Variants in LIN37 observed in about 807,000 individuals in gnomAD.
LIN37 encodes the protein lin-37 DREAM MuvB core complex component.
A neutral mutation model predicts 38.0 loss-of-function variants in LIN37; 21 were observed. The ratio of observed to expected loss-of-function variants is 0.55; its 90% CI spans 0.39 to 0.80. LIN37 has a LOEUF of 0.80. LIN37 is among the 30% of genes least tolerant of loss of function. LIN37 has a pLI of 0.00. For missense variants in LIN37, 273 were observed against 338.5 expected (o/e 0.81, Z 1.52); for synonymous variants, 126 against 122.9 (o/e 1.03, Z -0.17).
intron 3 of LIN37, 58 bp downstream of exon 3, chr19:35,752,542 T>C (rs1007847069): frequency 1.3e-6 from 2 of 1,575,638 alleles, no homozygotes; most frequent in African/African-American, 2.7e-5. Context: ...CTTCTTTCCT[T>C]ATCCAAGCCC....
Position 35,752,204 on chromosome 19 carries a change from A to C in LIN37, c.63A>C (p.Gln21His). 1 of 1,606,708 alleles carries C rather than the reference A, an allele frequency of 6.2e-7. No homozygotes were observed. Among genetic ancestry groups the C allele is most frequent in the Non-Finnish European group, 8.5e-7 (1 of 1,176,716 alleles). Residue 21 changes from glutamine to histidine, a missense_variant, in exon 2 of 9, where the codon CAA becomes CAC. By Grantham distance (24) the Gln-to-His change is conservative. Transcript: ENST00000301159. ...SELEMAKARN[Q>H]LDAVLQCLLE... ...TGGAGATGGCCAAAGCCCGGAACCA[A>C]CTGGATGCTGTCTTGCAGTGTCTGC...
chr19:35,752,341 T>C lies in LIN37; in HGVS notation c.110+90T>C, dbSNP rs1036881736. 201 of 1,578,824 alleles carry C rather than the reference T, an allele frequency of 1.3e-4. No homozygotes were observed. In the East Asian group the frequency reaches 4.5e-3, roughly 35 times the overall value. On this transcript the variant is annotated intron_variant, in intron 2 of 8. Coordinates refer to ENST00000301159, the MANE Select transcript of LIN37 (RefSeq NM_019104.3). ...ATTGGGTGGGACCCCACAGGCTGACTTGGGGAGGAAGGTGCTTAATGGGGA... is the reference window on the plus strand; with the variant it reads ...ATTGGGTGGGACCCCACAGGCTGACCTGGGGAGGAAGGTGCTTAATGGGGA...
At chr19:35,750,450 AG>A (rs1341752940) in intron 1 of LIN37, among the ~76,000 whole-genome samples, 1 of 152,172 alleles carries the variant, frequency 6.6e-6, no homozygotes, top group Non-Finnish European at 1.5e-5. Flanking sequence ...GCAAGTTCCC[AG>A]GTGTCCCCTC....
chr19:35,749,103 G>A, intron 1 of LIN37: 1 of 644,526 alleles, frequency 1.6e-6, no homozygotes, highest in Non-Finnish European at 2.0e-6. Flanking sequence ...ATATTGCCCA[G>A]GCTGGTCTCG....
In LIN37 at chr19:35,752,465, C is replaced by T. The variant is rs1599736781; in HGVS notation, c.142C>T (p.Pro48Ser). 5 of 1,613,950 alleles carry T rather than the reference C, an allele frequency of 3.1e-6. No homozygotes were observed. The highest frequency in any genetic ancestry group is 4.2e-6 in the Non-Finnish European group (5 of 1,179,858). ...ERLDEEAGKT[P>S]SDTHNKDCSI... Reference sequence around the variant, plus strand: ...TCTGGATGAGGAAGCTGGGAAAACACCCTCAGACACCCACAATAAGTGAGT... The same window carrying T: ...TCTGGATGAGGAAGCTGGGAAAACATCCTCAGACACCCACAATAAGTGAGT... Residue 48 changes from proline to serine, a missense_variant, in exon 3 of 9, where the codon CCC (proline) becomes TCC (serine). Coordinates refer to ENST00000301159, the MANE Select transcript of LIN37 (RefSeq NM_019104.3).
chr19:35,753,242 G>A lies in LIN37; in HGVS notation c.433G>A (p.Glu145Lys). The change falls in exon 6 of 9, where the codon GAG becomes AAG. Residue 145 changes from glutamate to lysine, a missense_variant. Physicochemically the swap from Glu to Lys is moderately conservative, Grantham distance 56. Coordinates refer to ENST00000301159, the MANE Select transcript of LIN37 (RefSeq NM_019104.3). ...CAGCTCACCCCTGCCCCCGCTGCCT[G>A]AGGATGAGGAGGTGGGATGGGTAGT... Reference protein sequence around the residue: ...SPSSPLPPLPEDEEGSEVTNS... With the variant: ...SPSSPLPPLPKDEEGSEVTNS... 6.5e-7 allele frequency: 1 copy of A among 1,549,296 alleles called. No individual in the cohort carries two copies. The highest frequency in any genetic ancestry group is 8.7e-7 in the Non-Finnish European group (1 of 1,147,954).
At chr19:35,753,765 C>T (rs557811270) in intron 6 of LIN37, 125 of 574,748 alleles carry the variant, frequency 2.2e-4, no homozygotes, top group Non-Finnish European at 3.6e-4. Context: ...GGCAGGCAGA[C>T]GCGACTCCCT....
chr19:35,754,251 T>G lies in LIN37; in HGVS notation c.591T>G (p.Ser197=). 1 of 1,614,028 alleles carries G rather than the reference T, an allele frequency of 6.2e-7. No individual in the cohort carries two copies. Among genetic ancestry groups the G allele is most frequent in the Non-Finnish European group, 8.5e-7 (1 of 1,179,882 alleles). ...TGGCCTGTCTGTCCATGCAGCCCTCTGAGCCCGAGCCCTCACCCTCCACAC... is the reference window on the plus strand; with the variant it reads ...TGGCCTGTCTGTCCATGCAGCCCTCGGAGCCCGAGCCCTCACCCTCCACAC... ...EMQGTPDDEP[S]EPEPSPSTLI... is the part of the protein sequence containing the mutation. Residue 197 remains serine, a synonymous_variant, in exon 8 of 9, where the codon TCT becomes TCG. Transcript: ENST00000301159.
intron 1 of LIN37, among the ~76,000 whole-genome samples, chr19:35,750,966 A>G (rs574918267): frequency 1.8e-4 from 28 of 151,628 alleles, no homozygotes; most frequent in African/African-American, 6.3e-4. Flanking sequence ...GTCTCAAAAA[A>G]AAGAAAAGAA....
intron 1 of LIN37, among the ~76,000 whole-genome samples, chr19:35,751,254 G>A (rs546923397): frequency 6.6e-6 from 1 of 152,024 alleles, no homozygotes; most frequent in African/African-American, 2.4e-5. Flanking sequence ...CTGGGAGGTG[G>A]AGGTTGCAGT....
chr19:35,752,098 G>A (rs895866599), intron 1 of LIN37, 78 bp from the exon 2 acceptor site: 27 of 1,114,000 alleles, frequency 2.4e-5, no homozygotes, highest in East Asian at 2.3e-4. Flanking sequence ...GGACACGCAC[G>A]CCCTTCCCTG....
rs1292175813 is a variant in LIN37, at chr19:35,753,158, C to G, written c.349C>G (p.Pro117Ala). Reference sequence around the variant, plus strand: ...GTTCAGCGAGAACACGCCACTGTACCCAATCTGCCGCGCCTGGATGCGCAA... The same window carrying G: ...GTTCAGCGAGAACACGCCACTGTACGCAATCTGCCGCGCCTGGATGCGCAA... ...AQFSENTPLY[P>A]ICRAWMRNSP... The change falls in exon 6 of 9, where the codon CCA becomes GCA. Residue 117 changes from proline (P) to alanine (A), a missense_variant. Physicochemically the swap from Pro to Ala is conservative, Grantham distance 27 (BLOSUM62 -1). Coordinates refer to ENST00000301159, the MANE Select transcript of LIN37 (RefSeq NM_019104.3). The G allele has an allele frequency of 1.3e-6, 2 of 1,595,820 alleles. No individual in the cohort carries two copies. The highest frequency in any genetic ancestry group is 8.5e-7 in the Non-Finnish European group (1 of 1,171,668).
chr19:35,752,749 C>T, intron 3 of LIN37, 55 bp from the exon 4 acceptor site: 18 of 1,592,890 alleles, frequency 1.1e-5, no homozygotes, highest in Non-Finnish European at 1.5e-5. Context: ...CCAGGGTGCC[C>T]TCTGCAGGGT....
chr19:35,753,301 TG>T, intron 6 of LIN37, 48 bp downstream of exon 6: 1 of 1,534,750 alleles, frequency 6.5e-7, no homozygotes, highest in South Asian at 1.2e-5. Context: ...GCCAGGGCAG[TG>T]GGTGGATAGG....
At chr19:35,753,963 C>A in intron 6 of LIN37, 54 bp from the exon 7 acceptor site, 1 of 1,584,406 alleles carries the variant, frequency 6.3e-7, no homozygotes, top group Non-Finnish European at 8.6e-7. Flanking sequence ...TGTGGATTCC[C>A]AGCCCCTCTG....
rs777680623 is a variant in LIN37, at chr19:35,754,258, G to T, written c.598G>T (p.Glu200Ter). The change falls in exon 8 of 9, where the codon GAG becomes TAG. Residue 200 changes from glutamate (E) to a stop codon, truncating the protein, a stop_gained. Coordinates refer to ENST00000301159, the MANE Select transcript of LIN37 (RefSeq NM_019104.3). LOFTEE classifies it high-confidence loss of function. Reference sequence around the variant, plus strand: ...TCTGTCCATGCAGCCCTCTGAGCCCGAGCCCTCACCCTCCACACTCATCTA... The same window carrying T: ...TCTGTCCATGCAGCCCTCTGAGCCCTAGCCCTCACCCTCCACACTCATCTA... ...GTPDDEPSEP[E>*]PSPSTLIYRN... 59 of 1,613,888 alleles carry T rather than the reference G, an allele frequency of 3.7e-5. No individual in the cohort carries two copies. The highest frequency in any genetic ancestry group is 3.6e-4 in the East Asian group (16 of 44,898).
At chr19:35,752,725 T>A (rs1437383009) in intron 3 of LIN37, 79 bp from the exon 4 acceptor site, 1 of 1,545,450 alleles carries the variant, frequency 6.5e-7, no homozygotes, top group Admixed American at 1.9e-5. Flanking sequence ...ATCTCAGGTT[T>A]GATACCAGTA....
At chr19:35,750,333 C>G (rs996077124) in intron 1 of LIN37, among the ~76,000 whole-genome samples, 3 of 152,144 alleles carry the variant, frequency 2.0e-5, no homozygotes, top group Non-Finnish European at 2.9e-5. Context: ...CAAGGCTTTG[C>G]TGCAATCTCA....
intron 1 of LIN37, among the ~76,000 whole-genome samples, chr19:35,750,629 A>AG (rs1970668318): frequency 6.6e-6 from 1 of 152,044 alleles, no homozygotes; most frequent in Admixed American, 6.6e-5. Context: ...TCATTTCCCG[A>AG]GGGGGAAAAA....
Sources: allele counts gnomAD v4.1 joint callset (sites outside exome capture counted in the v4.1 genomes callset), GRCh38; gene constraint gnomAD v4.1.1; transcripts MANE v1.5; gene names NCBI Gene and HGNC (gene_info 2026-07-23, HGNC 2026-07-21).